LRP6: variants seen among roughly 807,000 people sequenced by gnomAD.
LRP6 encodes the protein LDL receptor related protein 6.
A neutral mutation model predicts 184.1 loss-of-function variants in LRP6; 43 were observed. The observed-to-expected ratio is 0.23, with a 90% CI of 0.18 to 0.30. The LOEUF is 0.30. Among genes scored for constraint, LRP6 ranks in the 10% least tolerant of loss-of-function variants. The pLI, the probability that LRP6 is intolerant of heterozygous loss-of-function variation, is 1.00. For missense variants in LRP6, 1,571 were observed against 2,005.3 expected, an observed-to-expected ratio of 0.78 and a Z score of 4.14; for synonymous variants, 719 against 684.9, an observed-to-expected ratio of 1.05 and a Z score of -0.78.
chr12:12,250,376 C>T (rs1865295834), intron 1 of LRP6, among the ~76,000 whole-genome samples: 2 of 152,194 alleles, frequency 1.3e-5, no homozygotes, highest in East Asian at 3.8e-4. Context: ...TCCCAGCAAG[C>T]AAGTCCTTCA....
At chr12:12,226,675 C>T (rs911785762) in intron 2 of LRP6, 12 of 152,192 alleles carry the variant, frequency 7.9e-5, no homozygotes, top group African/African-American at 2.7e-4. Flanking sequence ...CTAAGAACTG[C>T]GTTCAGTTCA....
At chr12:12,180,225 A>G (rs149874711) in intron 6 of LRP6, among the ~76,000 whole-genome samples, 1 of 145,770 alleles carries the variant, frequency 6.9e-6, no homozygotes, top group Non-Finnish European at 1.5e-5. Context: ...CAATAATGAG[A>G]TTACAGTTTT....
At chr12:12,173,472 A>G (rs1007674933) in intron 7 of LRP6, among the ~76,000 whole-genome samples, 2 of 151,702 alleles carry the variant, frequency 1.3e-5, no homozygotes, top group African/African-American at 4.8e-5. Context: ...CCTCCAGGGT[A>G]GCTGGGACTA....
At chr12:12,155,400 A>G in intron 12 of LRP6, 1 of 811,708 alleles carries the variant, frequency 1.2e-6, no homozygotes, top group South Asian at 1.3e-5. Context: ...GGGAATGGGT[A>G]CTGTTCAAAA....
chr12:12,180,932 A>G, intron 6 of LRP6, 111 bp downstream of exon 6: 8 of 1,104,410 alleles, frequency 7.2e-6, no homozygotes, highest in Non-Finnish European at 1.1e-5. Flanking sequence ...GCCATTAAAG[A>G]GCTGTTTACT....
intron 2 of LRP6, among the ~76,000 whole-genome samples, chr12:12,218,055 G>A (rs1268003009): frequency 6.6e-6 from 1 of 152,168 alleles, no homozygotes; most frequent in East Asian, 1.9e-4. Context: ...TTATATGTGT[G>A]TTTCAAAAGA....
chr12:12,233,801 A>C (rs1009304237), intron 2 of LRP6, among the ~76,000 whole-genome samples: 1 of 152,166 alleles, frequency 6.6e-6, no homozygotes, highest in Non-Finnish European at 1.5e-5. Context: ...ATGGAAAATA[A>C]AGTATTTACA....
At chr12:12,133,066 TAA>T (rs957399426) in intron 17 of LRP6, among the ~76,000 whole-genome samples, 10 of 152,344 alleles carry the variant, frequency 6.6e-5, no homozygotes, top group Non-Finnish European at 1.3e-4. Context: ...GATTATTTAA[TAA>T]GAGCCTATTA....
chr12:12,266,711 G>A lies in LRP6; in HGVS notation c.25C>T (p.Leu9=). The change falls in exon 1 of 23, where the codon CTG becomes TTG. Residue 9 remains leucine (L), a synonymous_variant. Transcript: ENST00000261349. ...AGGAGCACACAGAAGCTGCAGGCCA[G>A]GAGGCTCCTCAGGACGGCCCCCATC... MGAVLRSL[L]ACSFCVLLRA... is the part of the protein sequence containing the mutation. 1.9e-6 allele frequency: 3 copies of A among 1,613,706 alleles called. No individual in the cohort carries two copies. Among genetic ancestry groups the A allele is most frequent in the East Asian group, 2.2e-5 (1 of 44,834 alleles).
chr12:12,197,145 T>C (rs1863783399), intron 3 of LRP6, among the ~76,000 whole-genome samples: 2 of 152,202 alleles, frequency 1.3e-5, no homozygotes, highest in South Asian at 4.1e-4. Context: ...CATTATGAAC[T>C]CAAGAATTTA....
intron 3 of LRP6, among the ~76,000 whole-genome samples, chr12:12,190,358 C>T (rs937720202): frequency 3.3e-5 from 5 of 152,230 alleles, no homozygotes; most frequent in African/African-American, 7.2e-5. Context: ...TAGGTCACAA[C>T]GATAACAGAA....
Position 12,266,846 on chromosome 12 carries a change from G to C in LRP6, c.-111C>G. 5 of 878,082 alleles carry C rather than the reference G, an allele frequency of 5.7e-6. No individual in the cohort carries two copies. The highest frequency in any genetic ancestry group is 5.6e-6 in the Non-Finnish European group (3 of 533,350). 54.4% of individuals were successfully genotyped at this position (878,082 alleles called of 1,614,324 possible). A position where few individuals can be genotyped will look rare whatever the true frequency, so the allele number is the denominator to read the frequency against. On this transcript the variant is annotated 5_prime_UTR_variant, in exon 1 of 23. Coordinates refer to ENST00000261349, the MANE Select transcript of LRP6 (RefSeq NM_002336.3). The stretch of plus-strand genomic sequence containing the variant: ...CAGGGCTGCACGCTCATACTTCCCA[G>C]CTTCCCAGCGAGAGAAGAAAGAAAG...
At chr12:12,186,566 G>A (rs1452801591) in intron 4 of LRP6, among the ~76,000 whole-genome samples, 6 of 151,146 alleles carry the variant, frequency 4.0e-5, no homozygotes, top group Non-Finnish European at 7.4e-5. Context: ...TTTTAGTAGA[G>A]ACAGGGTTTC....
intron 2 of LRP6, among the ~76,000 whole-genome samples, chr12:12,212,741 A>T (rs1210874901): frequency 6.6e-6 from 1 of 152,204 alleles, no homozygotes; most frequent in Admixed American, 6.5e-5. Flanking sequence ...AAATGGTCTC[A>T]TAGAGAGAAT....
Position 12,126,833 on chromosome 12 carries a change from T to C in LRP6, c.4170A>G (p.Val1390=). 6.2e-7 allele frequency: 1 copy of C among 1,614,146 alleles called. No individual in the cohort carries two copies. Among genetic ancestry groups the C allele is most frequent in the Non-Finnish European group, 8.5e-7 (1 of 1,179,994 alleles). ...VIVTIFVSGT[V]YFICQRMLCP... Reference sequence around the variant, plus strand: ...ACAACATCCTCTGGCAGATAAAGTATACAGTTCCAGACACAAAAATGGTGA... The same window carrying C: ...ACAACATCCTCTGGCAGATAAAGTACACAGTTCCAGACACAAAAATGGTGA... The change falls in exon 20 of 23, where the codon GTA becomes GTG. Residue 1390 remains valine, a synonymous_variant. Coordinates refer to ENST00000261349, the MANE Select transcript of LRP6 (RefSeq NM_002336.3).
intron 12 of LRP6, 123 bp from the exon 13 acceptor site, chr12:12,151,161 G>T: frequency 1.1e-6 from 1 of 908,964 alleles, no homozygotes; most frequent in Non-Finnish European, 1.7e-6. Flanking sequence ...AAGAGCTAAG[G>T]CTGAGGACAA....
chr12:12,121,597 G>C (rs1162852444), intron 22 of LRP6, among the ~76,000 whole-genome samples, 177 bp from the exon 23 acceptor site: 1 of 152,124 alleles, frequency 6.6e-6, no homozygotes, highest in Non-Finnish European at 1.5e-5. Context: ...GAAAATAGCA[G>C]GTACTTTCTT....
intron 8 of LRP6, 149 bp from the exon 9 acceptor site, chr12:12,164,711 A>G (rs928971440): frequency 1.4e-6 from 1 of 737,918 alleles, no homozygotes; most frequent in Non-Finnish European, 2.2e-6. Context: ...CTAATATCAC[A>G]AACAAGTAAT....
rs183494461 is a variant in LRP6, at chr12:12,206,888, T to C, written c.450-3488A>G. Among the ~76,000 whole-genome samples, 5 of 151,840 alleles carry C rather than the reference T, an allele frequency of 3.3e-5. No homozygotes were observed. The East Asian group carries it at 9.7e-4, about 29-fold the overall frequency. ...AAAATCCTGAGGCCAGGTCTTCCAA[T>C]AGGCTCTGTGAGTTCAGCAAATTCT... On this transcript the variant is annotated intron_variant, in intron 2 of 22. Coordinates refer to ENST00000261349, the MANE Select transcript of LRP6 (RefSeq NM_002336.3).
Sources: gnomAD v4.1 joint callset for allele counts (sites outside exome capture counted in the v4.1 genomes callset) on GRCh38, gnomAD v4.1.1 for gene constraint, MANE v1.5 for transcripts, NCBI Gene and HGNC (gene_info 2026-07-23, HGNC 2026-07-21) for gene names.